Variants in TG observed in about 807,000 individuals in gnomAD.
TG encodes thyroglobulin, also known as thyroid hormones.
Under a neutral mutation model 324.7 loss-of-function variants are expected in TG, and 270 were observed. That is an observed-to-expected ratio of 0.83 (90% CI 0.75 to 0.92). TG has a LOEUF of 0.92. TG is among the 40% of genes least tolerant of loss of function. TG has a pLI of 0.00. For synonymous variants in TG, 1,401 were observed against 1,327.0 expected, an observed-to-expected ratio of 1.06 and a Z score of -1.21; for missense variants, 3,591 against 3,456.4, an observed-to-expected ratio of 1.04 and a Z score of -0.98.
At chr8:132,970,475 G>A (rs1305483901) in intron 32 of TG, among the ~76,000 whole-genome samples, 1 of 152,200 alleles carries the variant, frequency 6.6e-6, no homozygotes, top group Non-Finnish European at 1.5e-5. Flanking sequence ...CTTTAAGGAA[G>A]CTTCCCCTGG....
At chr8:133,006,660 T>C (rs1274328880) in intron 35 of TG, among the ~76,000 whole-genome samples, 1 of 152,376 alleles carries the variant, frequency 6.6e-6, no homozygotes, top group African/African-American at 2.4e-5. Context: ...TGGAGGCATA[T>C]CCTTGCTAGA....
intron 35 of TG, among the ~76,000 whole-genome samples, chr8:133,009,792 C>A (rs764121401): frequency 1.3e-5 from 2 of 151,702 alleles, no homozygotes; most frequent in Non-Finnish European, 2.9e-5. Flanking sequence ...AAAGAGGGCA[C>A]CACCAAGAAC....
chr8:132,873,364 A>T, intron 5 of TG, 143 bp downstream of exon 5: 1 of 1,166,072 alleles, frequency 8.6e-7, no homozygotes, highest in Non-Finnish European at 1.2e-6. Context: ...TGTCCTGGGC[A>T]TCTAAAGTGC....
At chr8:133,133,694 G>T (rs749032174) in intron 47 of TG, 34 bp downstream of exon 47, 5 of 1,602,218 alleles carry the variant, frequency 3.1e-6, no homozygotes, top group Non-Finnish European at 4.3e-6. Flanking sequence ...GAGGGAGCTG[G>T]GTGTTGATCT....
chr8:133,118,109 A>G (rs1386416466), intron 45 of TG, among the ~76,000 whole-genome samples: 1 of 152,086 alleles, frequency 6.6e-6, no homozygotes, highest in Non-Finnish European at 1.5e-5. Flanking sequence ...AATAATGGCC[A>G]CCTCAAGATA....
At chr8:133,122,539 C>T (rs1481102969) in intron 45 of TG, among the ~76,000 whole-genome samples, 2 of 152,152 alleles carry the variant, frequency 1.3e-5, no homozygotes, top group Non-Finnish European at 2.9e-5. Context: ...CTATTGAGTG[C>T]CTACAATGGC....
chr8:133,060,356 G>A, intron 41 of TG: 1 of 1,543,400 alleles, frequency 6.5e-7, no homozygotes, highest in Middle Eastern at 1.7e-4. Context: ...GTGAAGATTG[G>A]TTACTTTTGC....
At chr8:132,873,949 T>A (rs192574997) in intron 5 of TG, among the ~76,000 whole-genome samples, 19 of 152,198 alleles carry the variant, frequency 1.2e-4, no homozygotes, top group Admixed American at 1.1e-3. Context: ...GGTGGGCAGA[T>A]CATGAGGTCA....
intron 16 of TG, among the ~76,000 whole-genome samples, chr8:132,904,285 G>A (rs959896261): frequency 2.0e-5 from 3 of 152,198 alleles, no homozygotes; most frequent in East Asian, 1.9e-4. Flanking sequence ...AGGTGTGAGC[G>A]AGCAGGTCTG....
chr8:133,108,532 T>G (rs1319283009), intron 43 of TG, among the ~76,000 whole-genome samples: 2 of 152,204 alleles, frequency 1.3e-5, no homozygotes, highest in Admixed American at 6.5e-5. Context: ...GAGGGTAATT[T>G]GTTGTGCCCA....
At chr8:133,065,001 A>G (rs1292952102) in intron 41 of TG, among the ~76,000 whole-genome samples, 1 of 152,172 alleles carries the variant, frequency 6.6e-6, no homozygotes, top group Non-Finnish European at 1.5e-5. Context: ...TAATTTGAAA[A>G]CATACTTAGG....
intron 6 of TG, 49 bp downstream of exon 6, chr8:132,882,018 A>G: frequency 7.5e-7 from 1 of 1,338,124 alleles, no homozygotes; most frequent in African/African-American, 1.4e-5. Context: ...GTGATTCCTC[A>G]GGTCTGAAAA....
intron 35 of TG, among the ~76,000 whole-genome samples, chr8:133,007,130 G>A: frequency 6.6e-6 from 1 of 152,108 alleles, no homozygotes; most frequent in Middle Eastern, 3.2e-3. Context: ...AGTAAAGCAG[G>A]CAGAGTTCAA....
chr8:133,002,402 G>A (rs933618993), intron 35 of TG: 18 of 985,292 alleles, frequency 1.8e-5, no homozygotes, highest in Middle Eastern at 5.2e-4. Flanking sequence ...CTTTCTAAGC[G>A]ATTAATTTGT....
At chr8:133,133,919 G>T (rs1159418137) in intron 47 of TG, among the ~76,000 whole-genome samples, 1 of 152,180 alleles carries the variant, frequency 6.6e-6, no homozygotes, top group Non-Finnish European at 1.5e-5. Context: ...GAAGGTCTAT[G>T]GGGGGTAGAA....
At position 132,911,551 on chromosome 8, in the gene TG, A is replaced by T; in HGVS notation, c.4159+18A>T. The T allele has an allele frequency of 6.3e-7, 1 of 1,599,434 alleles. No homozygotes were observed. The highest frequency in any genetic ancestry group is 1.7e-5 in the Admixed American group (1 of 59,996). ...TGACATTGGTATGTTTTTCTGTGGT[A>T]GTACCTAGAATAAGCTATGCAGCCT... On this transcript the variant is annotated intron_variant, in intron 19 of 47. Transcript: ENST00000220616.
chr8:132,942,693 G>A (rs1824626531), intron 26 of TG, among the ~76,000 whole-genome samples: 2 of 152,178 alleles, frequency 1.3e-5, no homozygotes, highest in African/African-American at 4.8e-5. Context: ...GCACTACTCG[G>A]CATCAGGCTT....
Position 133,074,835 on chromosome 8 carries a change from C to T in TG, c.7240-20209C>T, listed in dbSNP as rs946191917. On this transcript the variant is annotated intron_variant, in intron 41 of 47. Transcript: ENST00000220616. ...AAGTCTCTCCCCACCCCATCTCTGC[C>T]ACATACTCCCAAAATACCTTCACAC... 2.3e-5 allele frequency: 23 copies of T among 985,270 alleles called. No individual in the cohort carries two copies. The African/African-American group carries it at 4.0e-4, about 17-fold the overall frequency. The allele number at this position is 985,270 out of a possible 1,614,324, so 61.0% of individuals were successfully genotyped here.
At chr8:133,106,774 A>ATGTGC (rs1355079472) in intron 43 of TG, among the ~76,000 whole-genome samples, 3 of 152,034 alleles carry the variant, frequency 2.0e-5, no homozygotes, top group African/African-American at 4.8e-5. Context: ...TATCACATAG[A>ATGTGC]TGTGCTGTAT....
Sources: allele counts gnomAD v4.1 joint callset (sites outside exome capture counted in the v4.1 genomes callset), GRCh38; gene constraint gnomAD v4.1.1; transcripts MANE v1.5; gene names NCBI Gene and HGNC (gene_info 2026-07-23, HGNC 2026-07-21).